PBX3: variants seen among roughly 807,000 people sequenced by gnomAD.
PBX3 encodes PBX homeobox 3, also known as pre-B-cell leukemia transcription factor 3.
PBX3 carries 14 observed loss-of-function variants against 48.5 expected under a neutral mutation model. The ratio of observed to expected loss-of-function variants is 0.29; its 90% confidence interval spans 0.19 to 0.45. The LOEUF is 0.45. Among genes scored for constraint, PBX3 ranks in the 20% least tolerant of loss-of-function variants. The pLI is 1.00. For missense variants in PBX3, 386 were observed against 546.7 expected, an observed-to-expected ratio of 0.71 and a Z score of 2.93; for synonymous variants, 210 against 200.3, an observed-to-expected ratio of 1.05 and a Z score of -0.41.
chr9:125,948,857 C>G (rs1388192386), intron 5 of PBX3, among the ~76,000 whole-genome samples: 1 of 152,128 alleles, frequency 6.6e-6, no homozygotes, highest in African/African-American at 2.4e-5. Context: ...ATCTCTGCCT[C>G]CTGGGCTCAA....
chr9:125,756,492 C>T (rs1470775573), intron 2 of PBX3, among the ~76,000 whole-genome samples: 1 of 152,112 alleles, frequency 6.6e-6, no homozygotes, highest in Non-Finnish European at 1.5e-5. Flanking sequence ...TTGCAAAATC[C>T]TGGCCTAACT....
chr9:125,747,746 C>T, intron 1 of PBX3, 93 bp downstream of exon 1: 1 of 932,252 alleles, frequency 1.1e-6, no homozygotes, highest in Non-Finnish European at 1.5e-6. Flanking sequence ...GGGCTAGGGC[C>T]GCAGCCCCCG....
intron 2 of PBX3, among the ~76,000 whole-genome samples, chr9:125,879,243 A>C (rs1564153318): frequency 6.6e-6 from 1 of 151,902 alleles, no homozygotes; most frequent in Non-Finnish European, 1.5e-5. Flanking sequence ...ACGCCCGGCT[A>C]ATTTTTGTAT....
chr9:125,825,989 G>A (rs1838796898), intron 2 of PBX3, among the ~76,000 whole-genome samples: 1 of 152,164 alleles, frequency 6.6e-6, no homozygotes, highest in Non-Finnish European at 1.5e-5. Context: ...ATAAATGTTA[G>A]CTGTGGGTGG....
At chr9:125,858,757 C>G (rs1486360996) in intron 2 of PBX3, among the ~76,000 whole-genome samples, 1 of 151,536 alleles carries the variant, frequency 6.6e-6, no homozygotes. Context: ...TCCCGAGTAG[C>G]TGAGATTACA....
chr9:125,766,735 T>G (rs1381266087), intron 2 of PBX3, among the ~76,000 whole-genome samples: 1 of 152,158 alleles, frequency 6.6e-6, no homozygotes, highest in Non-Finnish European at 1.5e-5. Flanking sequence ...GACTGTACAG[T>G]TTCCTAGCTG....
At chr9:125,859,636 A>G (rs1485276997) in intron 2 of PBX3, among the ~76,000 whole-genome samples, 1 of 152,216 alleles carries the variant, frequency 6.6e-6, no homozygotes, top group Non-Finnish European at 1.5e-5. Flanking sequence ...GTAATTTCAA[A>G]ACCCACAGGA....
intron 3 of PBX3, among the ~76,000 whole-genome samples, chr9:125,923,080 A>G (rs973849768): frequency 2.6e-5 from 4 of 152,254 alleles, no homozygotes; most frequent in African/African-American, 9.6e-5. Context: ...ATTTGCATTC[A>G]TAGATGGCTT....
At chr9:125,927,952 A>C (rs1012741100) in intron 3 of PBX3, among the ~76,000 whole-genome samples, 1 of 152,094 alleles carries the variant, frequency 6.6e-6, no homozygotes, top group Non-Finnish European at 1.5e-5. Context: ...AGGCTGAGGC[A>C]GGTGGATTGT....
At chr9:125,896,306 T>G (rs921103320) in intron 2 of PBX3, among the ~76,000 whole-genome samples, 3 of 152,026 alleles carry the variant, frequency 2.0e-5, no homozygotes, top group Non-Finnish European at 4.4e-5. Flanking sequence ...AAAATCTTCC[T>G]TGAATTTTTT....
At chr9:125,834,238 C>A (rs189760981) in intron 2 of PBX3, among the ~76,000 whole-genome samples, 1 of 152,086 alleles carries the variant, frequency 6.6e-6, no homozygotes, top group East Asian at 1.9e-4. Flanking sequence ...GGGAAGGTTT[C>A]TGTAAGAGAA....
intron 2 of PBX3, among the ~76,000 whole-genome samples, chr9:125,793,145 G>T (rs1290209128): frequency 1.3e-5 from 2 of 151,318 alleles, no homozygotes; most frequent in African/African-American, 4.9e-5. Flanking sequence ...GAGGTCAGGA[G>T]ATCGAGACCA....
intron 2 of PBX3, among the ~76,000 whole-genome samples, chr9:125,768,024 G>C (rs1420096869): frequency 6.6e-6 from 1 of 150,628 alleles, no homozygotes; most frequent in Non-Finnish European, 1.5e-5. Flanking sequence ...AGAGACATGG[G>C]TTGTTGAAGG....
At chr9:125,796,157 C>T (rs73667061) in intron 2 of PBX3, among the ~76,000 whole-genome samples, 4,076 of 152,246 alleles carry the variant, frequency 0.027, 213 homozygotes, top group African/African-American at 0.092. Flanking sequence ...AGAAACTGGA[C>T]TTGGCATGTA....
intron 2 of PBX3, among the ~76,000 whole-genome samples, chr9:125,750,698 G>A (rs573418063): frequency 6.6e-6 from 1 of 152,310 alleles, no homozygotes; most frequent in Admixed American, 6.5e-5. Context: ...TTTGGCCAGT[G>A]GATCCACATT....
intron 2 of PBX3, among the ~76,000 whole-genome samples, chr9:125,901,523 G>A (rs1840945703): frequency 6.6e-6 from 1 of 151,624 alleles, no homozygotes; most frequent in African/African-American, 2.4e-5. Flanking sequence ...ATATGTATAG[G>A]TTTTAGTATA....
intron 2 of PBX3, among the ~76,000 whole-genome samples, chr9:125,869,204 A>G (rs1055223389): frequency 1.3e-5 from 2 of 152,222 alleles, no homozygotes; most frequent in Non-Finnish European, 2.9e-5. Flanking sequence ...TTAGCGGACA[A>G]TGGATATGAA....
intron 2 of PBX3, among the ~76,000 whole-genome samples, chr9:125,787,966 G>A (rs1215638635): frequency 2.0e-5 from 3 of 152,206 alleles, no homozygotes; most frequent in African/African-American, 7.2e-5. Context: ...TCAGAGAACT[G>A]TAAGGCTAGG....
chr9:125,847,925 A>G (rs1234705508), intron 2 of PBX3, among the ~76,000 whole-genome samples: 2 of 151,982 alleles, frequency 1.3e-5, no homozygotes, highest in African/African-American at 4.8e-5. Context: ...GTTTCTTATT[A>G]TCTTTGTACA....
Sources: gnomAD v4.1 joint callset for allele counts (sites outside exome capture counted in the v4.1 genomes callset) on GRCh38, gnomAD v4.1.1 for gene constraint, MANE v1.5 for transcripts, NCBI Gene and HGNC (gene_info 2026-07-23, HGNC 2026-07-21) for gene names.